The following RAB5A variants were observed in gnomAD, a reference collection of about 807,000 sequenced individuals.
RAB5A encodes ras-related protein Rab-5A.
RAB5A carries 8 observed loss-of-function variants against 25.7 expected under a neutral mutation model. That is an observed-to-expected ratio of 0.31 (90% CI 0.18 to 0.56). RAB5A has a LOEUF of 0.56. Among genes scored for constraint, RAB5A ranks in the 20% least tolerant of loss-of-function variants. RAB5A has a pLI of 0.91. For synonymous variants in RAB5A, 98 were observed against 89.8 expected, an observed-to-expected ratio of 1.09 and a Z score of -0.52; for missense variants, 192 against 259.7, an observed-to-expected ratio of 0.74 and a Z score of 1.79.
intron 5 of RAB5A, among the ~76,000 whole-genome samples, chr3:19,983,345 C>CAAAAAAAAAAAAA (rs34872300): frequency 1.1e-5 from 1 of 92,118 alleles, no homozygotes. Context: ...GACTACATCT[C>CAAAAAAAAAAAAA]AAAAAAAAAA....
intron 2 of RAB5A, chr3:19,970,513 G>C: frequency 2.2e-6 from 1 of 456,612 alleles, no homozygotes; most frequent in Non-Finnish European, 4.4e-6. Flanking sequence ...TCTCAACGCA[G>C]CTTTGTTTTT....
intron 2 of RAB5A, among the ~76,000 whole-genome samples, chr3:19,961,380 C>T (rs909833070): frequency 6.6e-6 from 1 of 152,090 alleles, no homozygotes; most frequent in African/African-American, 2.4e-5. Context: ...GTGTATTTCT[C>T]CTTGCAAGAA....
At chr3:19,969,044 GGTTTT>G (rs1696705672) in intron 2 of RAB5A, among the ~76,000 whole-genome samples, 1 of 65,554 alleles carries the variant, frequency 1.5e-5, no homozygotes. Flanking sequence ...TTTTTTTTTT[GGTTTT>G]TTTTTTTTTT....
Position 19,947,231 on chromosome 3 carries a change from A to C in RAB5A, c.-384A>C, listed in dbSNP as rs965158968. ...TGGCCTTAGGGGAGGAGGCAGAGGG[A>C]GGAGGAGGAGGAAGAATTAGTCGGA... On this transcript the variant is annotated 5_prime_UTR_variant, in exon 1 of 6. Transcript: ENST00000273047. 1.2e-5 allele frequency: 2 copies of C among 173,498 alleles called. No individual in the cohort carries two copies. Among genetic ancestry groups the C allele is most frequent in the Non-Finnish European group, 2.4e-5 (2 of 84,174 alleles). The allele number at this position is 173,498 out of a possible 1,614,324, so 10.7% of individuals were successfully genotyped here. A position where few individuals can be genotyped will look rare whatever the true frequency, so the allele number is the denominator to read the frequency against.
intron 1 of RAB5A, among the ~76,000 whole-genome samples, chr3:19,948,321 A>G (rs998724318): frequency 3.3e-5 from 5 of 152,240 alleles, no homozygotes; most frequent in African/African-American, 1.2e-4. Flanking sequence ...ATAATAAGAA[A>G]AAAACACTTG....
chr3:19,978,179 T>G (rs1696855904), intron 4 of RAB5A, 131 bp from the exon 5 acceptor site: 2 of 699,244 alleles, frequency 2.9e-6, no homozygotes, highest in Non-Finnish European at 5.2e-6. Context: ...ATATAGTTGT[T>G]GATTATAGAT....
chr3:19,984,805 A>G lies in RAB5A; in HGVS notation c.*982A>G, dbSNP rs1697001893. ...AAAGCATACAAAATGTACTGTTACTAAAACAGCTAATTATTTCTCTCTCCC... is the reference window on the plus strand; with the variant it reads ...AAAGCATACAAAATGTACTGTTACTGAAACAGCTAATTATTTCTCTCTCCC... On this transcript the variant is annotated 3_prime_UTR_variant, in exon 6 of 6. Transcript: ENST00000273047. 6.5e-6 allele frequency: 1 copy of G among 153,180 alleles called. No homozygotes were observed. The highest frequency in any genetic ancestry group is 1.5e-5 in the Non-Finnish European group (1 of 68,510). The allele number at this position is 153,180 out of a possible 1,614,324, so 9.5% of individuals were successfully genotyped here. A position where few individuals can be genotyped will look rare whatever the true frequency, so the allele number is the denominator to read the frequency against.
At chr3:19,972,412 G>A (rs535348975) in intron 2 of RAB5A, among the ~76,000 whole-genome samples, 29 of 152,294 alleles carry the variant, frequency 1.9e-4, no homozygotes, top group Middle Eastern at 3.4e-3. Context: ...GGTGTGAAAC[G>A]TTATTACACA....
intron 2 of RAB5A, 26 bp downstream of exon 2, chr3:19,951,087 C>T (rs1290051935): frequency 6.2e-7 from 1 of 1,605,898 alleles, no homozygotes; most frequent in Non-Finnish European, 8.5e-7. Context: ...TTCCCTGCTT[C>T]ATTTAATCGA....
At chr3:19,950,647 A>G (rs1043173981) in intron 1 of RAB5A, among the ~76,000 whole-genome samples, 159 bp from the exon 2 acceptor site, 1 of 152,210 alleles carries the variant, frequency 6.6e-6, no homozygotes, top group African/African-American at 2.4e-5. Flanking sequence ...CTCACATCCT[A>G]TACCTTTGAA....
chr3:19,970,217 T>C (rs1379325530), intron 2 of RAB5A, among the ~76,000 whole-genome samples: 1 of 152,236 alleles, frequency 6.6e-6, no homozygotes, highest in African/African-American at 2.4e-5. Context: ...TTTTTAATTA[T>C]TAATCTTTGG....
intron 2 of RAB5A, among the ~76,000 whole-genome samples, chr3:19,956,862 A>G (rs1696509867): frequency 6.6e-6 from 1 of 151,306 alleles, no homozygotes; most frequent in Non-Finnish European, 1.5e-5. Context: ...ACATACTATT[A>G]TCTTGAGATG....
intron 2 of RAB5A, among the ~76,000 whole-genome samples, chr3:19,957,110 G>A (rs966941749): frequency 6.9e-6 from 1 of 144,814 alleles, no homozygotes; most frequent in Non-Finnish European, 1.5e-5. Flanking sequence ...TTATTTTTTT[G>A]TAGGGACAGA....
chr3:19,975,242 A>G (rs938915436), intron 2 of RAB5A, among the ~76,000 whole-genome samples: 1 of 152,042 alleles, frequency 6.6e-6, no homozygotes, highest in Non-Finnish European at 1.5e-5. Context: ...GAAGAAGGAA[A>G]AGAAATGTAG....
intron 1 of RAB5A, among the ~76,000 whole-genome samples, chr3:19,950,342 A>G (rs34468236): frequency 0.2 from 30,661 of 152,218 alleles, 3,723 homozygotes; most frequent in African/African-American, 0.33. Context: ...TTTCCCATTT[A>G]TTAATAACAT....
At chr3:19,978,589 T>C in intron 5 of RAB5A, 186 bp downstream of exon 5, 1 of 512,692 alleles carries the variant, frequency 2.0e-6, no homozygotes, top group Non-Finnish European at 3.5e-6. Flanking sequence ...CAATATTTTG[T>C]TGGTAATATT....
At chr3:19,978,552 C>A (rs1313200673) in intron 5 of RAB5A, 149 bp downstream of exon 5, 3 of 574,778 alleles carry the variant, frequency 5.2e-6, no homozygotes, top group Non-Finnish European at 9.5e-6. Context: ...AGAGATTATA[C>A]CACTTTTCTA....
chr3:19,960,440 C>T (rs1316207459), intron 2 of RAB5A, among the ~76,000 whole-genome samples: 1 of 152,164 alleles, frequency 6.6e-6, no homozygotes, highest in Non-Finnish European at 1.5e-5. Context: ...GCTGAGACCA[C>T]AGGCATGTGT....
At chr3:19,954,286 A>T (rs1040245969) in intron 2 of RAB5A, among the ~76,000 whole-genome samples, 4 of 152,198 alleles carry the variant, frequency 2.6e-5, no homozygotes, top group African/African-American at 9.6e-5. Flanking sequence ...AAGTGCTGGA[A>T]TTATAGGCGT....
Sources: allele counts gnomAD v4.1 joint callset (sites outside exome capture counted in the v4.1 genomes callset), GRCh38; gene constraint gnomAD v4.1.1; transcripts MANE v1.5; gene names NCBI Gene and HGNC (gene_info 2026-07-23, HGNC 2026-07-21).